SPRYD3: variants seen among roughly 807,000 people sequenced by gnomAD.
SPRYD3 encodes the protein SPRY domain-containing protein 3.
A neutral mutation model predicts 50.1 loss-of-function variants in SPRYD3; 17 were observed. That is an observed-to-expected ratio of 0.34 (90% CI 0.23 to 0.51). The LOEUF is 0.51. Among genes scored for constraint, SPRYD3 ranks in the 20% least tolerant of loss-of-function variants. The pLI is 0.97. For synonymous variants in SPRYD3, 198 were observed against 215.5 expected, an observed-to-expected ratio of 0.92 and a Z score of 0.71; for missense variants, 401 against 591.2, an observed-to-expected ratio of 0.68 and a Z score of 3.34.
chr12:53,065,831 C>G lies in SPRYD3; in HGVS notation c.*1G>C. On this transcript the variant is annotated 3_prime_UTR_variant, in exon 11 of 11. Transcript: ENST00000301463. Reference sequence around the variant, plus strand: ...GAAGGAGCAGGTCTGGAGGGGAGGCCCTAGCCACTCAAGGGGTGCAGATCT... The same window carrying G: ...GAAGGAGCAGGTCTGGAGGGGAGGCGCTAGCCACTCAAGGGGTGCAGATCT... 1 of 1,611,758 alleles carries G rather than the reference C, an allele frequency of 6.2e-7. No individual in the cohort carries two copies. The highest frequency in any genetic ancestry group is 8.5e-7 in the Non-Finnish European group (1 of 1,179,132).
intron 8 of SPRYD3, among the ~76,000 whole-genome samples, chr12:53,066,999 A>C (rs1032569022): frequency 3.3e-5 from 5 of 151,584 alleles, no homozygotes; most frequent in South Asian, 2.1e-4. Flanking sequence ...AGTCCCAGCT[A>C]CTCAGGAGGC....
chr12:53,075,700 T>TTCA (rs1424794663), intron 3 of SPRYD3, 36 bp downstream of exon 3: 9 of 1,550,682 alleles, frequency 5.8e-6, no homozygotes, highest in African/African-American at 4.1e-5. Flanking sequence ...ACCCCCAAGC[T>TTCA]CACCCCCTGC....
intron 1 of SPRYD3, among the ~76,000 whole-genome samples, chr12:53,078,996 A>G (rs1049772792): frequency 2.2e-4 from 34 of 152,344 alleles, no homozygotes; most frequent in African/African-American, 8.2e-4. Context: ...AACCCCAGGT[A>G]GATGCTGGTT....
intron 6 of SPRYD3, 30 bp downstream of exon 6, chr12:53,073,256 G>GGCCC: frequency 7.1e-6 from 3 of 424,134 alleles, no homozygotes; most frequent in South Asian, 4.4e-5. Context: ...CTCCGACCCA[G>GGCCC]CCCCTCCCAC....
chr12:53,071,535 T>C (rs1944549619), intron 6 of SPRYD3, among the ~76,000 whole-genome samples: 1 of 151,786 alleles, frequency 6.6e-6, no homozygotes, highest in Admixed American at 6.6e-5. Context: ...AGAATTCCAC[T>C]CAAGAAAGAG....
chr12:53,065,769 G>A lies in SPRYD3; in HGVS notation c.*63C>T. On this transcript the variant is annotated 3_prime_UTR_variant, in exon 11 of 11. Transcript: ENST00000301463. ...GTAAACGAAGCCTCTGGGAAGTCAGGAACTGGGTGCCTGGCCCAGCAGAGG... is the reference window on the plus strand; with the variant it reads ...GTAAACGAAGCCTCTGGGAAGTCAGAAACTGGGTGCCTGGCCCAGCAGAGG... The A allele has an allele frequency of 4.5e-6, 7 of 1,560,636 alleles. No homozygotes were observed. The South Asian group carries it at 4.6e-5, about 10-fold the overall frequency.
Position 53,068,971 on chromosome 12 carries a change from T to A in SPRYD3, c.694-667A>T, listed in dbSNP as rs569808004. Among the ~76,000 whole-genome samples the A allele has an allele frequency of 6.6e-5, 10 of 150,926 alleles. No individual in the cohort carries two copies. The East Asian group carries it at 1.8e-3, about 27-fold the overall frequency. On this transcript the variant is annotated intron_variant, in intron 6 of 10. Transcript: ENST00000301463. ...CATTTCATGTGAGGGAGAGGAGAGG[T>A]CAAAATGAAGACAGAGGCAGGCTTA...
In SPRYD3 at chr12:53,066,604, C is replaced by G; in HGVS notation, c.990G>C (p.Met330Ile). The G allele has an allele frequency of 1.2e-6, 2 of 1,614,062 alleles. No individual in the cohort carries two copies. The highest frequency in any genetic ancestry group is 1.7e-6 in the Non-Finnish European group (2 of 1,179,972). ...YKGDIMGCGI[M>I]FPRDYILDSE... ...TGTCCAAAATGTAGTCCCGGGGGAA[C>G]ATGATTCCACAGCCCATGATGTCCC... Residue 330 changes from methionine to isoleucine, a missense_variant, in exon 9 of 11, where the codon ATG (methionine) becomes ATC (isoleucine). Met to Ile is a conservative substitution (Grantham distance 10). Transcript: ENST00000301463.
At chr12:53,068,014 C>G in intron 7 of SPRYD3, 141 bp downstream of exon 7, 2 of 935,196 alleles carry the variant, frequency 2.1e-6, no homozygotes, top group South Asian at 3.2e-5. Context: ...CAGACACATA[C>G]AACTGTGTTC....
rs138431982 is a variant in SPRYD3 at position 53,075,116 on chromosome 12, G to C, written c.350C>G (p.Ala117Gly). Residue 117 changes from alanine (A) to glycine (G), a missense_variant, in exon 4 of 11, where the codon GCC becomes GGC. Physicochemically the swap from Ala to Gly is moderately conservative, Grantham distance 60 (BLOSUM62 0). Transcript: ENST00000301463. ...TCACTTGCCATCATCAGCATGGTAG[G>C]CTACAGAGTCAGGCAACCAGCCAGG... Reference protein sequence around the residue: ...HQPGWLPDSVAYHADDGKLYN... With the variant: ...HQPGWLPDSVGYHADDGKLYN... 1.2e-6 allele frequency: 2 copies of C among 1,613,776 alleles called. No individual in the cohort carries two copies. The highest frequency in any genetic ancestry group is 2.2e-5 in the South Asian group (2 of 91,088).
chr12:53,077,234 G>A lies in SPRYD3; in HGVS notation c.51C>T (p.Asp17=). The A allele has an allele frequency of 1.2e-6, 2 of 1,614,212 alleles. No homozygotes were observed. Among genetic ancestry groups the A allele is most frequent in the Non-Finnish European group, 1.7e-6 (2 of 1,180,040 alleles). Residue 17 remains aspartate (D), a synonymous_variant, in exon 2 of 11, where the codon GAC becomes GAT. Coordinates refer to ENST00000301463, the MANE Select transcript of SPRYD3 (RefSeq NM_032840.3). The part of the protein sequence containing the change: ...PRFVLMNKMD[D]LNLHYRFLNW... ...TCAGAAACCGGTAGTGCAGGTTGAG[G>A]TCATCCATCTTGTTCATGAGAACAA...
intron 6 of SPRYD3, 26 bp downstream of exon 6, chr12:53,073,260 C>CGGGGGGGGGGGGGCG: frequency 2.4e-6 from 1 of 416,308 alleles, no homozygotes; most frequent in Non-Finnish European, 4.4e-6. Context: ...GACCCAGCCC[C>CGGGGGGGGGGGGGCG]TCCCACCCTC....
intron 6 of SPRYD3, among the ~76,000 whole-genome samples, chr12:53,068,564 G>T (rs1359781336): frequency 6.6e-6 from 1 of 152,212 alleles, no homozygotes; most frequent in East Asian, 1.9e-4. Context: ...GGAGGCCGGG[G>T]AAAGCAGCAC....
intron 1 of SPRYD3, chr12:53,078,172 C>A (rs1445592280): frequency 7.3e-6 from 3 of 412,396 alleles, no homozygotes; most frequent in Non-Finnish European, 9.8e-6. Context: ...GAGCAAGACC[C>A]TGTCTCAAAA....
Position 53,079,365 on chromosome 12 carries a change from T to G in SPRYD3, c.-32A>C. ...GCCTCTCAGCTCCGCACACAAGCTCTTCGGCCGCCGCCACCACACACATCC... is the reference window on the plus strand; with the variant it reads ...GCCTCTCAGCTCCGCACACAAGCTCGTCGGCCGCCGCCACCACACACATCC... On this transcript the variant is annotated 5_prime_UTR_variant, in exon 1 of 11. Transcript: ENST00000301463. 1 of 1,598,322 alleles carries G rather than the reference T, an allele frequency of 6.3e-7. No homozygotes were observed. The highest frequency in any genetic ancestry group is 8.5e-7 in the Non-Finnish European group (1 of 1,173,100).
rs1002319939 is a variant in SPRYD3, at chr12:53,074,057, C to T, written c.508-586G>A. On this transcript the variant is annotated intron_variant, in intron 5 of 10. Coordinates refer to ENST00000301463, the MANE Select transcript of SPRYD3 (RefSeq NM_032840.3). The surrounding 1 kb of genome is among the most constrained non-coding windows in gnomAD (Gnocchi z 4.6). The stretch of plus-strand genomic sequence containing the variant: ...TGTGCTGGACAGGAGAGTGCCGAGG[C>T]GCAGATGCTAAGGCAGCAGGACCCC... 9.9e-5 allele frequency among the ~76,000 whole-genome samples: 15 copies of T among 152,018 alleles called. No individual in the cohort carries two copies. The highest frequency in any genetic ancestry group is 1.5e-4 in the Non-Finnish European group (10 of 68,022).
intron 6 of SPRYD3, among the ~76,000 whole-genome samples, chr12:53,068,569 C>T (rs1042028783): frequency 6.6e-5 from 10 of 152,200 alleles, no homozygotes; most frequent in African/African-American, 2.4e-4. Flanking sequence ...CCGGGGAAAG[C>T]AGCACAGCTA....
chr12:53,073,255 A>AGGCCCCGGGGGGGGGGGGGGGGG, intron 6 of SPRYD3, 31 bp downstream of exon 6: 1 of 383,666 alleles, frequency 2.6e-6, no homozygotes, highest in Non-Finnish European at 4.9e-6. Flanking sequence ...CCTCCGACCC[A>AGGCCCCGGGGGGGGGGGGGGGGG]GCCCCTCCCA....
chr12:53,077,476 A>G (rs1944597957), intron 1 of SPRYD3, among the ~76,000 whole-genome samples: 1 of 152,246 alleles, frequency 6.6e-6, no homozygotes. Context: ...TGTGAACAAG[A>G]TGGACAGGAT....
Sources: allele counts gnomAD v4.1 joint callset (sites outside exome capture counted in the v4.1 genomes callset), GRCh38; gene constraint gnomAD v4.1.1; non-coding constraint Gnocchi (gnomAD v3.1); transcripts MANE v1.5; gene names NCBI Gene and HGNC (gene_info 2026-07-23, HGNC 2026-07-21).